Variants in MCF2L2 observed in about 807,000 individuals in gnomAD.
MCF2L2 encodes probable guanine nucleotide exchange factor MCF2L2.
In MCF2L2, 102 loss-of-function variants were observed where a neutral mutation model predicts 150.2. The ratio of observed to expected loss-of-function variants is 0.68; its 90% CI spans 0.58 to 0.80. The LOEUF is 0.80. Among genes scored for constraint, MCF2L2 ranks in the 30% least tolerant of loss-of-function variants. MCF2L2 has a pLI of 0.00. For missense variants in MCF2L2, 1,256 were observed against 1,372.8 expected (o/e 0.91, Z 1.34); for synonymous variants, 465 against 491.3 (o/e 0.95, Z 0.71).
intron 15 of MCF2L2, among the ~76,000 whole-genome samples, chr3:183,249,252 G>A (rs1724400923): frequency 6.6e-6 from 1 of 152,212 alleles, no homozygotes; most frequent in Non-Finnish European, 1.5e-5. Flanking sequence ...TGTGGAGTGT[G>A]TGTCTGATCT....
chr3:183,295,170 T>C (rs1043622794), intron 13 of MCF2L2, 130 bp downstream of exon 13: 10 of 892,416 alleles, frequency 1.1e-5, no homozygotes, highest in Non-Finnish European at 1.7e-5. Context: ...CACTATGCTA[T>C]ATCTGTAGTT....
intron 5 of MCF2L2, among the ~76,000 whole-genome samples, chr3:183,334,374 G>A (rs971185885): frequency 4.6e-5 from 7 of 152,102 alleles, no homozygotes; most frequent in African/African-American, 1.7e-4. Context: ...TAATATTTGG[G>A]AAAGTGGACA....
chr3:183,396,442 T>A (rs534041216), intron 1 of MCF2L2, among the ~76,000 whole-genome samples: 4 of 152,344 alleles, frequency 2.6e-5, no homozygotes, highest in African/African-American at 9.6e-5. Context: ...TCAATGCTCT[T>A]AGTTTTCTTT....
At chr3:183,356,783 G>A (rs1311724980) in intron 3 of MCF2L2, among the ~76,000 whole-genome samples, 1 of 152,104 alleles carries the variant, frequency 6.6e-6, no homozygotes, top group Non-Finnish European at 1.5e-5. Context: ...CAAAGAGAAA[G>A]ACTGAGGTGA....
Position 183,237,802 on chromosome 3 carries a change from A to G in MCF2L2, c.1863-6785T>C, listed in dbSNP as rs1473891203. ...TTTTAATTGTGATGTTAGGGTGTCA[A>G]TTTTGGATCTTTCCTGCTTTCTCTT... On this transcript the variant is annotated intron_variant, in intron 15 of 29. Coordinates refer to ENST00000328913, the MANE Select transcript of MCF2L2 (RefSeq NM_015078.4). Among the ~76,000 whole-genome samples the G allele has an allele frequency of 3.0e-3, 79 of 26,304 alleles. 1 individual carries two copies. Among genetic ancestry groups the G allele is most frequent in the African/African-American group, 0.01 (66 of 6,330 alleles). 17.3% of individuals were successfully genotyped at this position (26,304 alleles called of 152,430 possible). A position where few individuals can be genotyped will look rare whatever the true frequency, so the allele number is the denominator to read the frequency against.
At chr3:183,232,902 TG>T (rs1207002454) in intron 15 of MCF2L2, among the ~76,000 whole-genome samples, 2 of 152,250 alleles carry the variant, frequency 1.3e-5, no homozygotes, top group Non-Finnish European at 2.9e-5. Flanking sequence ...GCAAGCTCTT[TG>T]GAAGGTAATT....
chr3:183,422,526 G>A (rs1220972922), intron 1 of MCF2L2, among the ~76,000 whole-genome samples: 2 of 152,132 alleles, frequency 1.3e-5, no homozygotes, highest in Non-Finnish European at 2.9e-5. Context: ...CTATGAATGG[G>A]GGCTGGGTGG....
At chr3:183,204,273 ACT>A (rs1207266960) in intron 25 of MCF2L2, among the ~76,000 whole-genome samples, 3 of 152,130 alleles carry the variant, frequency 2.0e-5, no homozygotes, top group Non-Finnish European at 2.9e-5. Flanking sequence ...TATATAAATA[ACT>A]CTTACAATTC....
intron 3 of MCF2L2, among the ~76,000 whole-genome samples, chr3:183,354,709 G>A (rs140702922): frequency 4.5e-4 from 68 of 152,250 alleles, no homozygotes; most frequent in African/African-American, 1.6e-3. Context: ...TGTAACTCCT[G>A]TCTCCCTAAA....
At chr3:183,306,769 C>T (rs1729119322) in intron 10 of MCF2L2, among the ~76,000 whole-genome samples, 1 of 152,176 alleles carries the variant, frequency 6.6e-6, no homozygotes, top group Non-Finnish European at 1.5e-5. Context: ...AAAGCCATGA[C>T]CCTCCAACAA....
chr3:183,223,271 T>C, intron 20 of MCF2L2, 75 bp downstream of exon 20: 1 of 1,093,638 alleles, frequency 9.1e-7, no homozygotes, highest in Non-Finnish European at 1.4e-6. Context: ...CAGCTCTACA[T>C]GTGTAACGAC....
intron 14 of MCF2L2, chr3:183,287,808 A>C (rs188310376): frequency 2.0e-5 from 3 of 152,278 alleles, no homozygotes; most frequent in Non-Finnish European, 4.4e-5. Flanking sequence ...CCTCGTTCCC[A>C]CTCTGTTTCT....
At chr3:183,329,202 T>C (rs1380755698) in intron 5 of MCF2L2, among the ~76,000 whole-genome samples, 1 of 151,780 alleles carries the variant, frequency 6.6e-6, no homozygotes, top group African/African-American at 2.4e-5. Context: ...AGCTTTATTC[T>C]TTTTTTTTCT....
At chr3:183,360,949 T>A (rs1337133543) in intron 3 of MCF2L2, among the ~76,000 whole-genome samples, 6 of 100,640 alleles carry the variant, frequency 6.0e-5, no homozygotes, top group African/African-American at 7.6e-5. Flanking sequence ...GCAAGAAGAG[T>A]GAAACTCAGA....
At chr3:183,279,496 C>T (rs56762584) in intron 14 of MCF2L2, among the ~76,000 whole-genome samples, 3,921 of 152,284 alleles carry the variant, frequency 0.026, 175 homozygotes, top group African/African-American at 0.087. Flanking sequence ...GAGCAACAAT[C>T]GTTTCTTGTG....
intron 1 of MCF2L2, among the ~76,000 whole-genome samples, chr3:183,404,735 C>T (rs767802410): frequency 3.9e-5 from 6 of 151,992 alleles, no homozygotes; most frequent in South Asian, 2.1e-4. Context: ...TGGTGGTGGG[C>T]GCCTGTAATC....
intron 22 of MCF2L2, among the ~76,000 whole-genome samples, chr3:183,209,114 C>T (rs1722598075): frequency 6.6e-6 from 1 of 152,204 alleles, no homozygotes; most frequent in Non-Finnish European, 1.5e-5. Flanking sequence ...GTGGATAGGT[C>T]CATGAGGACC....
chr3:183,323,253 C>A lies in MCF2L2; in HGVS notation c.585G>T (p.Gln195His), dbSNP rs1456002493. ...TACTCACAGTGCGGTGATTTACCCA[C>A]TGACCGTGGCGATATTCCAAAGTCC... ...LGGTLEYRHG[Q>H]WVNHRTAIEN... is the part of the protein sequence containing the mutation. Residue 195 changes from glutamine (Q) to histidine (H), a missense_variant, in exon 6 of 30, where the codon CAG becomes CAT. Gln to His is a conservative substitution (Grantham distance 24). Transcript: ENST00000328913. The A allele has an allele frequency of 6.2e-7, 1 of 1,612,692 alleles. No individual in the cohort carries two copies. The highest frequency in any genetic ancestry group is 1.7e-5 in the Admixed American group (1 of 59,990).
intron 21 of MCF2L2, among the ~76,000 whole-genome samples, chr3:183,217,734 G>T (rs1722997568): frequency 6.6e-6 from 1 of 152,040 alleles, no homozygotes; most frequent in Admixed American, 6.6e-5. Flanking sequence ...ACTTGTCCCT[G>T]GCCCTCCCCA....
Sources: gnomAD v4.1 joint callset for allele counts (sites outside exome capture counted in the v4.1 genomes callset) on GRCh38, gnomAD v4.1.1 for gene constraint, MANE v1.5 for transcripts, NCBI Gene and HGNC (gene_info 2026-07-23, HGNC 2026-07-21) for gene names.